Variants in FYB1 observed in about 807,000 individuals in gnomAD.
FYB1 encodes the protein FYN binding protein 1.
In FYB1, 41 loss-of-function variants were observed where a neutral mutation model predicts 94.1. The observed-to-expected ratio is 0.44, with a 90% confidence interval of 0.34 to 0.57. The LOEUF is 0.57. Ranked by LOEUF, FYB1 falls within the 20% of genes least tolerant of loss-of-function variation. The pLI is 0.02. For synonymous variants in FYB1, 367 were observed against 353.2 expected (o/e 1.04, Z -0.44); for missense variants, 1,050 against 976.8 (o/e 1.07, Z -1.00).
intron 12 of FYB1, among the ~76,000 whole-genome samples, chr5:39,125,415 C>A (rs1740558814): frequency 2.0e-5 from 3 of 152,008 alleles, no homozygotes; most frequent in Admixed American, 2.0e-4. Flanking sequence ...TTTATTTGGA[C>A]AAACTTAAGA....
chr5:39,238,227 T>A (rs914230040), intron 1 of FYB1, among the ~76,000 whole-genome samples: 1 of 152,016 alleles, frequency 6.6e-6, no homozygotes, highest in African/African-American at 2.4e-5. Context: ...TGTATATATA[T>A]GTACATATAT....
intron 2 of FYB1, among the ~76,000 whole-genome samples, chr5:39,197,850 A>C (rs1464486686): frequency 6.6e-6 from 1 of 152,202 alleles, no homozygotes; most frequent in Non-Finnish European, 1.5e-5. Context: ...TGAGCGCAGA[A>C]ATTTCATGGA....
intron 2 of FYB1, among the ~76,000 whole-genome samples, chr5:39,196,447 G>A (rs558399326): frequency 1.3e-5 from 2 of 152,006 alleles, no homozygotes; most frequent in Admixed American, 6.6e-5. Context: ...AGCCCGCCTC[G>A]GCCTCCCAAA....
chr5:39,139,321 A>G (rs1741946921), intron 4 of FYB1, 69 bp from the exon 5 acceptor site: 1 of 1,217,702 alleles, frequency 8.2e-7, no homozygotes, highest in African/African-American at 1.5e-5. Context: ...AGATTATTGG[A>G]TATGATATAA....
At chr5:39,152,742 C>T (rs1743355496) in intron 3 of FYB1, among the ~76,000 whole-genome samples, 1 of 152,162 alleles carries the variant, frequency 6.6e-6, no homozygotes, top group Non-Finnish European at 1.5e-5. Context: ...AAAATATCAT[C>T]TAAGAAAATT....
intron 13 of FYB1, among the ~76,000 whole-genome samples, chr5:39,123,609 G>A (rs1399609014): frequency 6.6e-6 from 1 of 151,990 alleles, no homozygotes; most frequent in African/African-American, 2.4e-5. Flanking sequence ...GTCAGATAAA[G>A]GGTCTATAGA....
chr5:39,138,927 TA>T (rs1358433016), intron 5 of FYB1: 3 of 565,948 alleles, frequency 5.3e-6, no homozygotes, highest in Admixed American at 3.2e-5. Context: ...TTATTTAAAA[TA>T]TTTTTTTTCT....
chr5:39,271,831 A>G (rs893843796), intron 1 of FYB1, among the ~76,000 whole-genome samples: 1 of 152,210 alleles, frequency 6.6e-6, no homozygotes, highest in Non-Finnish European at 1.5e-5. Context: ...GAAATTGCAC[A>G]TTATCTTACA....
intron 1 of FYB1, among the ~76,000 whole-genome samples, chr5:39,235,790 T>C (rs1227992008): frequency 2.6e-5 from 4 of 152,066 alleles, no homozygotes; most frequent in African/African-American, 7.2e-5. Flanking sequence ...CTGCCATAAA[T>C]GAAATCAAAC....
Position 39,219,533 on chromosome 5 carries a change from ATCTGCTCTGCAT to A in FYB1, c.-130_-119del. On this transcript the variant is annotated 5_prime_UTR_variant, in exon 1 of 19. It removes an upstream start codon present in the reference 5' UTR. Coordinates refer to ENST00000512982, the MANE Select transcript of FYB1 (RefSeq NM_001465.6). ...GGCCCTACTCACTTCTAGCTGTCGC[ATCTGCTCTGCAT>A]GTGGAACTCAAGAACTGCGGAGCTT... 1.0e-6 allele frequency: 1 copy of A among 985,452 alleles called. No individual in the cohort carries two copies. Among genetic ancestry groups the A allele is most frequent in the Non-Finnish European group, 1.2e-6 (1 of 829,942 alleles). The allele number at this position is 985,452 out of a possible 1,614,324, so 61.0% of individuals were successfully genotyped here.
upstream of FYB1, among the ~76,000 whole-genome samples, chr5:39,221,899 G>T (rs1369517959): frequency 1.3e-5 from 2 of 152,120 alleles, no homozygotes; most frequent in Non-Finnish European, 2.9e-5. Context: ...TACTCAGGAG[G>T]CTGAGGCAGG....
chr5:39,122,338 C>T lies in FYB1; in HGVS notation c.2136G>A (p.Met712Ile). Residue 712 changes from methionine to isoleucine, a missense_variant and splice_region_variant, in exon 14 of 19, where the codon ATG becomes ATA. Physicochemically the swap from Met to Ile is conservative, Grantham distance 10. Coordinates refer to ENST00000512982, the MANE Select transcript of FYB1 (RefSeq NM_001465.6). ...TSDFPVSSAE[M>I]SQGTNVGKAK... ...TGTAATGAAAGCATTTTAATTACCT[C>T]ATCTCTGCTGATGAAACAGGGAAAT... is the stretch of plus-strand genomic sequence containing the variant. 6.4e-7 allele frequency: 1 copy of T among 1,554,296 alleles called. No individual in the cohort carries two copies. Among genetic ancestry groups the T allele is most frequent in the Non-Finnish European group, 8.8e-7 (1 of 1,140,052 alleles).
intron 2 of FYB1, among the ~76,000 whole-genome samples, chr5:39,190,515 T>C (rs1277376864): frequency 6.6e-6 from 1 of 152,144 alleles, no homozygotes; most frequent in African/African-American, 2.4e-5. Flanking sequence ...CCTGGTTGCA[T>C]GCCACTCAGC....
upstream of FYB1, among the ~76,000 whole-genome samples, chr5:39,223,878 A>G (rs545825699): frequency 6.6e-4 from 101 of 152,088 alleles, no homozygotes; most frequent in Non-Finnish European, 1.1e-3. Context: ...TTCTGTCTTT[A>G]TACCCCAGCC....
chr5:39,212,301 T>G (rs539041279), intron 1 of FYB1, among the ~76,000 whole-genome samples: 13 of 151,856 alleles, frequency 8.6e-5, no homozygotes, highest in Admixed American at 3.3e-4. Context: ...GAGCAAGACC[T>G]TGTCTCAAAA....
At position 39,139,262 on chromosome 5, in the gene FYB1, T is replaced by TA. The variant is rs1369124783; in HGVS notation, c.1340-11dup. 3.5e-6 allele frequency: 5 copies of TA among 1,444,584 alleles called. No homozygotes were observed. Among genetic ancestry groups the TA allele is most frequent in the African/African-American group, 2.8e-5 (2 of 70,412 alleles). 89.5% of individuals were successfully genotyped at this position (1,444,584 alleles called of 1,614,324 possible). On this transcript the variant is annotated splice_polypyrimidine_tract_variant and intron_variant, in intron 4 of 18. Transcript: ENST00000512982. ...TCTAGATTTCCAGCACCTAAAAGATTAAAAAAATAAAATTTAATACATTTG... is the reference window on the plus strand; with the variant it reads ...TCTAGATTTCCAGCACCTAAAAGATTAAAAAAAATAAAATTTAATACATTTG...
chr5:39,186,384 G>A (rs983941597), intron 2 of FYB1, among the ~76,000 whole-genome samples: 9 of 151,966 alleles, frequency 5.9e-5, no homozygotes, highest in African/African-American at 1.9e-4. Flanking sequence ...ATATAGTGCC[G>A]CTGCACTCCA....
intron 1 of FYB1, among the ~76,000 whole-genome samples, chr5:39,262,462 A>T (rs1445133076): frequency 6.6e-6 from 1 of 152,240 alleles, no homozygotes; most frequent in Non-Finnish European, 1.5e-5. Context: ...ACGTGTAACA[A>T]ATTGTCAAAA....
rs759499065 is a variant in FYB1, at chr5:39,179,089, T to A, written c.1135+22737A>T. Among the ~76,000 whole-genome samples, 11 of 152,234 alleles carry A rather than the reference T, an allele frequency of 7.2e-5. 1 individual carries two copies. The highest frequency in any genetic ancestry group is 4.1e-4 in the South Asian group (2 of 4,832). On this transcript the variant is annotated intron_variant, in intron 2 of 18. Coordinates refer to ENST00000512982, the MANE Select transcript of FYB1 (RefSeq NM_001465.6). Reference sequence around the variant, plus strand: ...CAGATAATATTTTTAGAGTGCTTCCTGTGTGCTAGGCACTGCTTTGAGAGC... The same window carrying A: ...CAGATAATATTTTTAGAGTGCTTCCAGTGTGCTAGGCACTGCTTTGAGAGC...
Sources: allele counts gnomAD v4.1 joint callset (sites outside exome capture counted in the v4.1 genomes callset), GRCh38; gene constraint gnomAD v4.1.1; transcripts MANE v1.5; gene names NCBI Gene and HGNC (gene_info 2026-07-23, HGNC 2026-07-21).